Variants in TRDN observed in about 807,000 individuals in gnomAD.
The protein encoded by TRDN is triadin in skeletal muscle.
In TRDN, 161 loss-of-function variants were observed where a neutral mutation model predicts 149.7. That is an observed-to-expected ratio of 1.08 (90% CI 0.95 to 1.23). The LOEUF (loss-of-function observed/expected upper bound fraction) is 1.23. Ranked by LOEUF, TRDN falls within the 50% of genes most tolerant of loss-of-function variation. TRDN has a pLI of 0.00. For synonymous variants in TRDN, 294 were observed against 250.5 expected (o/e 1.17, Z -1.64); for missense variants, 896 against 823.5 (o/e 1.09, Z -1.08).
chr6:123,260,699 A>G (rs1469309319), intron 33 of TRDN, 61 bp from the exon 34 acceptor site: 3 of 1,299,518 alleles, frequency 2.3e-6, no homozygotes, highest in Non-Finnish European at 1.0e-6. Flanking sequence ...AAGAAAAAGT[A>G]TAGTTTTTTA....
At chr6:123,575,105 G>T (rs1782786341) in intron 1 of TRDN, among the ~76,000 whole-genome samples, 1 of 151,172 alleles carries the variant, frequency 6.6e-6, no homozygotes, top group Non-Finnish European at 1.5e-5. Flanking sequence ...GTTTTTCATT[G>T]TCCTTTTTTT....
chr6:123,464,365 T>G, intron 10 of TRDN: 1 of 973,272 alleles, frequency 1.0e-6, no homozygotes, highest in South Asian at 4.7e-5. Flanking sequence ...TACATATACA[T>G]AAAACAGTAT....
chr6:123,238,246 A>G (rs561300222), intron 38 of TRDN, among the ~76,000 whole-genome samples: 1 of 152,332 alleles, frequency 6.6e-6, no homozygotes, highest in African/African-American at 2.4e-5. Flanking sequence ...AGATAGGCAC[A>G]TACTGATTAA....
chr6:123,290,414 T>C (rs1340818240), intron 24 of TRDN, among the ~76,000 whole-genome samples: 1 of 152,180 alleles, frequency 6.6e-6, no homozygotes, highest in African/African-American at 2.4e-5. Context: ...TAAATAAGAC[T>C]AGTCAAAGCT....
chr6:123,558,387 C>T (rs1017647039), intron 2 of TRDN, among the ~76,000 whole-genome samples: 40 of 152,100 alleles, frequency 2.6e-4, no homozygotes, highest in Admixed American at 5.9e-4. Context: ...ACACCCGGTC[C>T]GGCTTACAGT....
chr6:123,383,604 T>C (rs371844581), intron 14 of TRDN, among the ~76,000 whole-genome samples: 1 of 152,112 alleles, frequency 6.6e-6, no homozygotes, highest in East Asian at 1.9e-4. Flanking sequence ...ATTATTCAAA[T>C]GATGTTTTGC....
intron 1 of TRDN, among the ~76,000 whole-genome samples, chr6:123,618,440 G>A (rs939658991): frequency 4.6e-5 from 7 of 152,088 alleles, no homozygotes; most frequent in African/African-American, 9.7e-5. Context: ...GAGGACTTCC[G>A]TGATTTTATT....
intron 12 of TRDN, chr6:123,429,111 C>T (rs186137806): frequency 6.6e-6 from 1 of 152,090 alleles, no homozygotes; most frequent in African/African-American, 2.4e-5. Context: ...CTAAAGCAGT[C>T]TACCACCATT....
At position 123,433,887 on chromosome 6, in the gene TRDN, A is replaced by G. The variant is rs547419115; in HGVS notation, c.1051+4176T>C. 8 of 152,284 alleles carry G rather than the reference A, an allele frequency of 5.3e-5. No homozygotes were observed. In the South Asian group the frequency reaches 1.5e-3, roughly 28 times the overall value. 9.4% of individuals were successfully genotyped at this position (152,284 alleles called of 1,614,324 possible). A position where few individuals can be genotyped will look rare whatever the true frequency, so the allele number is the denominator to read the frequency against. Reference sequence around the variant, plus strand: ...TTGCCCAGGTTATAATTGTTTTGTTATGAGACAAGTCAACTTGTTAATTGT... The same window carrying G: ...TTGCCCAGGTTATAATTGTTTTGTTGTGAGACAAGTCAACTTGTTAATTGT... On this transcript the variant is annotated intron_variant, in intron 12 of 40. Transcript: ENST00000334268.
At chr6:123,583,761 C>G (rs546839527) in intron 1 of TRDN, among the ~76,000 whole-genome samples, 72 of 152,124 alleles carry the variant, frequency 4.7e-4, no homozygotes, top group African/African-American at 1.6e-3. Flanking sequence ...CCTAGACTAA[C>G]AGGTATTTTA....
At chr6:123,579,659 T>C (rs188061133) in intron 1 of TRDN, among the ~76,000 whole-genome samples, 64 of 152,232 alleles carry the variant, frequency 4.2e-4, no homozygotes, top group African/African-American at 1.5e-3. Flanking sequence ...TGGCCTCATA[T>C]AATGAGTTGG....
At chr6:123,335,210 T>C (rs1275537131) in intron 22 of TRDN, among the ~76,000 whole-genome samples, 1 of 151,810 alleles carries the variant, frequency 6.6e-6, no homozygotes, top group Non-Finnish European at 1.5e-5. Flanking sequence ...GACTTATATA[T>C]AATAAAGGCA....
chr6:123,314,184 CA>C (rs1778936252), intron 24 of TRDN, among the ~76,000 whole-genome samples: 2 of 151,748 alleles, frequency 1.3e-5, no homozygotes, highest in Admixed American at 6.6e-5. Context: ...AAAAAGTGGG[CA>C]AAATACATGA....
intron 24 of TRDN, among the ~76,000 whole-genome samples, 182 bp from the exon 25 acceptor site, chr6:123,279,264 G>A (rs1007087439): frequency 6.6e-6 from 1 of 151,932 alleles, no homozygotes; most frequent in African/African-American, 2.4e-5. Context: ...TGCAAGATTG[G>A]CAAACTTTTT....
chr6:123,246,418 A>C (rs1397544177), intron 38 of TRDN, among the ~76,000 whole-genome samples: 1 of 152,240 alleles, frequency 6.6e-6, no homozygotes, highest in African/African-American at 2.4e-5. Context: ...CTGATTCCAC[A>C]GAATTGCAAA....
At chr6:123,420,391 TAAA>T in intron 12 of TRDN, among the ~76,000 whole-genome samples, 1 of 151,146 alleles carries the variant, frequency 6.6e-6, no homozygotes, top group South Asian at 2.1e-4. Context: ...AGGATTTTTT[TAAA>T]AAAAAAACAG....
At chr6:123,266,515 TATGTATTATATATAATATATATATTATA>T (rs1776989925) in intron 32 of TRDN, among the ~76,000 whole-genome samples, 16 of 46,354 alleles carry the variant, frequency 3.5e-4, no homozygotes, top group Non-Finnish European at 4.6e-4. Context: ...TATATTATAA[TATGTATTATATATAATATATATATTATA>T]ATATGTATTA....
chr6:123,629,814 T>G (rs1273764127), intron 1 of TRDN, among the ~76,000 whole-genome samples: 1 of 152,080 alleles, frequency 6.6e-6, no homozygotes. Flanking sequence ...AGCATTAACT[T>G]GTATAGAGCA....
In TRDN at chr6:123,336,696, G is replaced by A. The variant is rs563026289; in HGVS notation, c.1420+923C>T. On this transcript the variant is annotated intron_variant, in intron 22 of 40. Transcript: ENST00000334268. ...CTGAATTAATTACATCATATTAGAT[G>A]CAGAATAAATAATTGTTGAATATAG... Among the ~76,000 whole-genome samples, 10 of 151,706 alleles carry A rather than the reference G, an allele frequency of 6.6e-5. No homozygotes were observed. In the East Asian group the frequency reaches 1.7e-3, roughly 26 times the overall value.
Sources: gnomAD v4.1 joint callset for allele counts (sites outside exome capture counted in the v4.1 genomes callset) on GRCh38, gnomAD v4.1.1 for gene constraint, MANE v1.5 for transcripts, NCBI Gene and HGNC (gene_info 2026-07-23, HGNC 2026-07-21) for gene names.